Variants in SPAG9 observed in about 807,000 individuals in gnomAD.
SPAG9 encodes the protein C-Jun-amino-terminal kinase-interacting protein 4.
A neutral mutation model predicts 166.5 loss-of-function variants in SPAG9; 35 were observed. The observed-to-expected ratio is 0.21, with a 90% CI of 0.16 to 0.28. The LOEUF (loss-of-function observed/expected upper bound fraction) is 0.28. SPAG9 is among the 10% of genes least tolerant of loss of function. The pLI is 1.00. For missense variants in SPAG9, 1,235 were observed against 1,603.3 expected, an observed-to-expected ratio of 0.77 and a Z score of 3.92; for synonymous variants, 534 against 565.5, an observed-to-expected ratio of 0.94 and a Z score of 0.79.
intron 16 of SPAG9, 80 bp downstream of exon 16, chr17:50,996,485 C>T (rs1384235530): frequency 8.5e-6 from 13 of 1,520,942 alleles, no homozygotes; most frequent in Middle Eastern, 1.8e-4. Flanking sequence ...GGGATGCGTA[C>T]AGTGAATCCT....
rs572169071 is a variant in SPAG9 at position 51,018,360 on chromosome 17, T to A, written c.1091+1799A>T. On this transcript the variant is annotated intron_variant, in intron 8 of 29. Transcript: ENST00000262013. The stretch of plus-strand genomic sequence containing the variant: ...GCCTAGGCGACAGAGCAAGACTGCA[T>A]CTCAAAAAAAAAAAGATGAGATCTA... Among the ~76,000 whole-genome samples the A allele has an allele frequency of 9.1e-4, 137 of 150,312 alleles. 1 individual carries two copies. The highest frequency in any genetic ancestry group is 3.6e-3 in the Admixed American group (55 of 15,134).
intron 6 of SPAG9, among the ~76,000 whole-genome samples, chr17:51,022,152 G>C (rs962052299): frequency 4.6e-5 from 7 of 150,914 alleles, no homozygotes; most frequent in Non-Finnish European, 7.4e-5. Flanking sequence ...AGCGGGGAGA[G>C]GGGGCAGATT....
Position 50,979,901 on chromosome 17 carries a change from T to C in SPAG9, c.3254A>G (p.His1085Arg). The C allele has an allele frequency of 6.2e-7, 1 of 1,613,086 alleles. No individual in the cohort carries two copies. The highest frequency in any genetic ancestry group is 8.5e-7 in the Non-Finnish European group (1 of 1,179,134). ...TCGCACTTGGCTCTCCTTCCTGGGA[T>C]GTGCATCAAAAGATTTCTAGGAGAG... is the stretch of plus-strand genomic sequence containing the variant. ...AMKIEKSFDAHPRKESQVRQL... is the reference protein window; with the variant it reads ...AMKIEKSFDARPRKESQVRQL... Residue 1085 changes from histidine (H) to arginine (R), a missense_variant, in exon 26 of 30, where the codon CAT (histidine) becomes CGT (arginine). By Grantham distance (29) the His-to-Arg change is conservative (BLOSUM62 0). Around this residue, in one of 6 missense-constraint regions of SPAG9, gnomAD observed 243 missense variants for 358.6 expected, o/e 0.68. Coordinates refer to ENST00000262013, the MANE Select transcript of SPAG9 (RefSeq NM_001130528.3).
At chr17:50,994,975 C>T in intron 18 of SPAG9, 82 bp downstream of exon 18, 2 of 1,029,696 alleles carry the variant, frequency 1.9e-6, no homozygotes, top group South Asian at 1.7e-5. Context: ...CAATTAGAAG[C>T]TGGACCCAGA....
intron 16 of SPAG9, 39 bp from the exon 17 acceptor site, chr17:50,995,572 G>C (rs2044640462): frequency 3.3e-6 from 4 of 1,228,760 alleles, no homozygotes; most frequent in Admixed American, 1.7e-5. Flanking sequence ...AGGCACATTA[G>C]TAAGCCTCAT....
rs1196039200 is a variant in SPAG9, at chr17:51,053,836, TA to T, written c.495+2575del. Among the ~76,000 whole-genome samples the T allele has an allele frequency of 3.1e-3, 78 of 25,286 alleles. 1 individual carries two copies. The highest frequency in any genetic ancestry group is 0.033 in the Middle Eastern group (1 of 30). The allele number at this position is 25,286 out of a possible 152,430, so 16.6% of individuals were successfully genotyped here. A position where few individuals can be genotyped will look rare whatever the true frequency, so the allele number is the denominator to read the frequency against. On this transcript the variant is annotated intron_variant, in intron 3 of 29. Coordinates refer to ENST00000262013, the MANE Select transcript of SPAG9 (RefSeq NM_001130528.3). ...CTGGGAAACAGAGTGAGACCCTAAT[TA>T]AAAAAAAAAAAAAAAAAGTATATAT...
At chr17:51,046,980 T>G in intron 4 of SPAG9, 2 of 1,366,814 alleles carry the variant, frequency 1.5e-6, no homozygotes, top group South Asian at 2.8e-5. Flanking sequence ...CATAATTTAT[T>G]CACACTCCTA....
At chr17:51,063,356 G>A (rs1248479037) in intron 2 of SPAG9, among the ~76,000 whole-genome samples, 1 of 149,638 alleles carries the variant, frequency 6.7e-6, no homozygotes, top group African/African-American at 2.5e-5. Context: ...AGGTTGCAGT[G>A]AGCCAAGACT....
intron 1 of SPAG9, among the ~76,000 whole-genome samples, chr17:51,090,998 G>A (rs1018217030): frequency 5.9e-5 from 9 of 152,128 alleles, no homozygotes; most frequent in Admixed American, 3.9e-4. Flanking sequence ...GGTGGCTCAT[G>A]CTTGTATAAT....
At chr17:50,971,179 C>T (rs1056480756) in intron 28 of SPAG9, among the ~76,000 whole-genome samples, 3 of 151,920 alleles carry the variant, frequency 2.0e-5, no homozygotes, top group Non-Finnish European at 4.4e-5. Flanking sequence ...TGGTGGTATG[C>T]GCCTGTAATC....
intron 1 of SPAG9, among the ~76,000 whole-genome samples, chr17:51,096,012 TATATATAGTGATATATATATATAGTG>T (rs2048631313): frequency 9.6e-6 from 1 of 103,676 alleles, no homozygotes; most frequent in African/African-American, 3.8e-5. Context: ...TAGTGATATA[TATATATAGTGATATATATATATAGTG>T]ATATATATAT....
At chr17:51,106,488 C>T (rs1027925916) in intron 1 of SPAG9, among the ~76,000 whole-genome samples, 1 of 151,994 alleles carries the variant, frequency 6.6e-6, no homozygotes, top group Non-Finnish European at 1.5e-5. Context: ...TGGCTACATC[C>T]CCAGGGCTTA....
intron 18 of SPAG9, among the ~76,000 whole-genome samples, chr17:50,994,387 G>C (rs372656084): frequency 1.3e-5 from 2 of 152,040 alleles, no homozygotes; most frequent in Non-Finnish European, 2.9e-5. Flanking sequence ...TCCCAGTCTC[G>C]GGTATGTGTT....
chr17:51,046,780 A>G, intron 4 of SPAG9: 1 of 1,534,776 alleles, frequency 6.5e-7, no homozygotes, highest in South Asian at 1.2e-5. Flanking sequence ...TGCCATCAGC[A>G]GCAGCTTTCC....
rs191587184 is a variant in SPAG9 at position 50,979,562 on chromosome 17, G to A, written c.3409+184C>T. Among the ~76,000 whole-genome samples the A allele has an allele frequency of 1.4e-4, 21 of 151,590 alleles. No homozygotes were observed. In the East Asian group the frequency reaches 2.9e-3, roughly 21 times the overall value. The stretch of plus-strand genomic sequence containing the variant: ...ACCTACAGTCCCAGCTACTCCGGAG[G>A]CTGAGGTGAGAGGATCGCTTGAGCC... On this transcript the variant is annotated intron_variant, in intron 26 of 29. Transcript: ENST00000262013.
At chr17:51,065,471 T>C (rs1454812630) in intron 2 of SPAG9, among the ~76,000 whole-genome samples, 1 of 152,236 alleles carries the variant, frequency 6.6e-6, no homozygotes, top group Non-Finnish European at 1.5e-5. Flanking sequence ...TCAACATTTA[T>C]GTTATAAGAG....
rs755572353 is a variant in SPAG9 at position 50,995,562 on chromosome 17, A to C, written c.1969-29T>G. 14 of 1,341,766 alleles carry C rather than the reference A, an allele frequency of 1.0e-5. No homozygotes were observed. In the African/African-American group the frequency reaches 1.9e-4, roughly 18 times the overall value. 83.1% of individuals were successfully genotyped at this position (1,341,766 alleles called of 1,614,324 possible). ...ATAATGGTGGAAGGAGGAGTGAAAA[A>C]GGCACATTAGTAAGCCTCATCAAAA... On this transcript the variant is annotated intron_variant, in intron 16 of 29. Transcript: ENST00000262013.
At chr17:51,054,561 C>T (rs1469245127) in intron 3 of SPAG9, among the ~76,000 whole-genome samples, 6 of 151,896 alleles carry the variant, frequency 4.0e-5, no homozygotes, top group Non-Finnish European at 8.8e-5. Flanking sequence ...CTCAGCCTCC[C>T]GAGTAGCTGG....
intron 6 of SPAG9, among the ~76,000 whole-genome samples, chr17:51,021,989 G>C (rs184390880): frequency 6.6e-6 from 1 of 152,092 alleles, no homozygotes; most frequent in African/African-American, 2.4e-5. Flanking sequence ...CAGGCATGGT[G>C]GCAGGCACCT....
Sources: gnomAD v4.1 joint callset for allele counts (sites outside exome capture counted in the v4.1 genomes callset) on GRCh38, gnomAD v4.1.1 for gene constraint, gnomAD v4.1.1 regional missense constraint, MANE v1.5 for transcripts, NCBI Gene and HGNC (gene_info 2026-07-23, HGNC 2026-07-21) for gene names.